The following SLC18B1 variants were observed in gnomAD, a reference collection of about 807,000 sequenced individuals.
The protein encoded by SLC18B1 is solute carrier family 18 member B1.
Under a neutral mutation model 53.9 loss-of-function variants are expected in SLC18B1, and 62 were observed. The ratio of observed to expected loss-of-function variants is 1.15; its 90% CI spans 0.94 to 1.42. SLC18B1 has a LOEUF of 1.42. Ranked by LOEUF, SLC18B1 falls within the 40% of genes most tolerant of loss-of-function variation. The pLI, the probability that SLC18B1 is intolerant of heterozygous loss-of-function variation, is 0.00. For missense variants in SLC18B1, 598 were observed against 547.3 expected, an observed-to-expected ratio of 1.09 and a Z score of -0.93; for synonymous variants, 217 against 200.9, an observed-to-expected ratio of 1.08 and a Z score of -0.68.
intron 6 of SLC18B1, among the ~76,000 whole-genome samples, chr6:132,781,442 T>C (rs569252441): frequency 6.6e-6 from 1 of 152,088 alleles, no homozygotes; most frequent in Admixed American, 6.5e-5. Flanking sequence ...TCTAGTCCAG[T>C]GATCGAGAAG....
chr6:132,792,219 C>G (rs1188488704), intron 2 of SLC18B1, among the ~76,000 whole-genome samples: 1 of 96,154 alleles, frequency 1.0e-5, no homozygotes, highest in Non-Finnish European at 2.0e-5. Context: ...CAGAGCAAGA[C>G]ACTGTCAGAA....
In SLC18B1 at chr6:132,784,046, G is replaced by A. The variant is rs778556065; in HGVS notation, c.545C>T (p.Pro182Leu). 6 of 1,608,154 alleles carry A rather than the reference G, an allele frequency of 3.7e-6. No homozygotes were observed. The highest frequency in any genetic ancestry group is 4.2e-6 in the Non-Finnish European group (5 of 1,177,482). Residue 182 changes from proline (P) to leucine (L), a missense_variant, in exon 6 of 14, where the codon CCT (proline) becomes CTT (leucine). Pro to Leu is a moderately conservative substitution (Grantham distance 98). Transcript: ENST00000275227. ...TFSGLGLILG[P>L]PVGGFLYQSF... ...TTGATACAAAAAGCCACCTACAGGA[G>A]GACCTAGTATTAGCCCCAGTCCAGA... is the stretch of plus-strand genomic sequence containing the variant.
intron 2 of SLC18B1, among the ~76,000 whole-genome samples, chr6:132,791,212 G>A (rs1781516865): frequency 1.3e-5 from 2 of 152,138 alleles, no homozygotes. Flanking sequence ...TTATATATAT[G>A]AGGCATTGTA....
At chr6:132,776,256 C>T in intron 8 of SLC18B1, 72 bp downstream of exon 8, 2 of 1,202,494 alleles carry the variant, frequency 1.7e-6, no homozygotes, top group Non-Finnish European at 2.4e-6. Context: ...TCCTAGAGTT[C>T]CAAAGGAACA....
intron 6 of SLC18B1, 118 bp from the exon 7 acceptor site, chr6:132,779,522 C>G (rs542612858): frequency 1.4e-4 from 156 of 1,108,186 alleles, no homozygotes; most frequent in South Asian, 1.1e-3. Flanking sequence ...GACTCAATCT[C>G]TGAGTTTGCC....
chr6:132,774,160 A>G, intron 9 of SLC18B1, 62 bp downstream of exon 9: 1 of 1,320,192 alleles, frequency 7.6e-7, no homozygotes, highest in South Asian at 1.4e-5. Flanking sequence ...TGTTAAAACA[A>G]AATTTTTCGA....
intron 2 of SLC18B1, among the ~76,000 whole-genome samples, chr6:132,793,631 T>A (rs1306985714): frequency 6.6e-6 from 1 of 152,210 alleles, no homozygotes; most frequent in Non-Finnish European, 1.5e-5. Flanking sequence ...AAATGATAAA[T>A]GCCCCAGCTT....
In SLC18B1 at chr6:132,770,077, G is replaced by T; in HGVS notation, c.*193C>A. 1 of 421,052 alleles carries T rather than the reference G, an allele frequency of 2.4e-6. No homozygotes were observed. Among genetic ancestry groups the T allele is most frequent in the South Asian group, 5.5e-5 (1 of 18,346 alleles). 26.1% of individuals were successfully genotyped at this position (421,052 alleles called of 1,614,324 possible). A position where few individuals can be genotyped will look rare whatever the true frequency, so the allele number is the denominator to read the frequency against. On this transcript the variant is annotated 3_prime_UTR_variant, in exon 14 of 14. Transcript: ENST00000275227. The stretch of plus-strand genomic sequence containing the variant: ...TAATATTTCAAATATAGCTGCTTCA[G>T]CAGGACAGCTTTTCAGTATCACAGT...
chr6:132,792,261 A>AGAGAGAGAGAGAG (rs1562271322), intron 2 of SLC18B1, among the ~76,000 whole-genome samples: 6 of 40,434 alleles, frequency 1.5e-4, no homozygotes, highest in Non-Finnish European at 1.4e-4. Context: ...GAAAGAAAGA[A>AGAGAGAGAGAGAG]AGAAAGAAAG....
intron 13 of SLC18B1, 88 bp downstream of exon 13, chr6:132,770,802 T>G: frequency 7.8e-7 from 1 of 1,275,516 alleles, no homozygotes; most frequent in Non-Finnish European, 1.1e-6. Context: ...ATCCACTGAC[T>G]GGAAGAATAA....
At chr6:132,772,679 G>T (rs1582852917) in intron 10 of SLC18B1, among the ~76,000 whole-genome samples, 1 of 152,058 alleles carries the variant, frequency 6.6e-6, no homozygotes, top group Admixed American at 6.5e-5. Flanking sequence ...GCTCTCTCAT[G>T]GACCTCCTCC....
chr6:132,780,654 T>C (rs886302068), intron 6 of SLC18B1, among the ~76,000 whole-genome samples: 1 of 143,034 alleles, frequency 7.0e-6, no homozygotes, highest in African/African-American at 2.6e-5. Context: ...CTCCACCTCC[T>C]GGGCTCAAGC....
chr6:132,774,639 C>T (rs59716502), intron 8 of SLC18B1, among the ~76,000 whole-genome samples: 26,074 of 152,016 alleles, frequency 0.17, 4,922 homozygotes, highest in African/African-American at 0.47. Context: ...CCAGGCACGG[C>T]GGCTCACACC....
chr6:132,770,369 T>C, intron 13 of SLC18B1, 33 bp from the exon 14 acceptor site: 2 of 1,537,784 alleles, frequency 1.3e-6, no homozygotes, highest in Non-Finnish European at 1.8e-6. Context: ...TGAATCTCAA[T>C]ATTTCTCATC....
chr6:132,785,102 G>GCT (rs373229738), intron 5 of SLC18B1, among the ~76,000 whole-genome samples: 7 of 147,020 alleles, frequency 4.8e-5, no homozygotes, highest in South Asian at 2.1e-4. Flanking sequence ...TTGTTCTCGT[G>GCT]CTCTCTCTCT....
chr6:132,785,204 G>C (rs968396014), intron 5 of SLC18B1, among the ~76,000 whole-genome samples: 1 of 151,904 alleles, frequency 6.6e-6, no homozygotes, highest in African/African-American at 2.4e-5. Flanking sequence ...TGCAATATCT[G>C]TTGCCTTCCC....
At chr6:132,771,234 G>T in intron 11 of SLC18B1, 105 bp from the exon 12 acceptor site, 1 of 1,006,036 alleles carries the variant, frequency 9.9e-7, no homozygotes, top group Non-Finnish European at 1.5e-6. Context: ...TACATTGGAA[G>T]ATAAGTACTA....
Position 132,783,973 on chromosome 6 carries a change from C to A in SLC18B1, c.618G>T (p.Leu206Phe). 6.2e-7 allele frequency: 1 copy of A among 1,606,832 alleles called. No homozygotes were observed. The highest frequency in any genetic ancestry group is 8.5e-7 in the Non-Finnish European group (1 of 1,177,214). ...VPFIVLGCVV[L>F]LMVPLNMYIL... ...TATACATATTGAGTGGTACCATCAGCAAAACGACGCATCCCAGAACAATAA... is the reference window on the plus strand; with the variant it reads ...TATACATATTGAGTGGTACCATCAGAAAAACGACGCATCCCAGAACAATAA... Residue 206 changes from leucine to phenylalanine, a missense_variant, in exon 6 of 14, where the codon TTG becomes TTT. Physicochemically the swap from Leu to Phe is conservative, Grantham distance 22. Coordinates refer to ENST00000275227, the MANE Select transcript of SLC18B1 (RefSeq NM_052831.3).
intron 2 of SLC18B1, among the ~76,000 whole-genome samples, chr6:132,796,532 GAAAA>G (rs56286125): frequency 1.8e-4 from 14 of 77,880 alleles, no homozygotes; most frequent in Admixed American, 5.1e-4. Context: ...GTCTCGAAAG[GAAAA>G]AAAAAAAAAA....
Sources: allele counts gnomAD v4.1 joint callset (sites outside exome capture counted in the v4.1 genomes callset), GRCh38; gene constraint gnomAD v4.1.1; transcripts MANE v1.5; gene names NCBI Gene and HGNC (gene_info 2026-07-23, HGNC 2026-07-21).